The following CEP63 variants were observed in gnomAD, a reference collection of about 807,000 sequenced individuals.
CEP63 encodes the protein centrosomal protein 63, also known as centrosomal protein of 63 kDa.
Under a neutral mutation model 89.1 loss-of-function variants are expected in CEP63, and 84 were observed. The observed-to-expected ratio is 0.94, with a 90% CI of 0.79 to 1.13. CEP63 has a LOEUF of 1.13. Ranked by LOEUF, CEP63 falls within the 50% of genes most tolerant of loss-of-function variation. The probability of loss-of-function intolerance (pLI) is 0.00; values close to 1 mark genes in which losing one functional copy is unlikely to be tolerated. For synonymous variants in CEP63, 267 were observed against 272.5 expected (o/e 0.98, Z 0.20); for missense variants, 838 against 813.3 (o/e 1.03, Z -0.37).
chr3:134,618,982 G>C, the CEP63 span, among the ~76,000 whole-genome samples: 1 of 152,168 alleles, frequency 6.6e-6, no homozygotes, highest in African/African-American at 2.4e-5. Context: ...CAATTATGCT[G>C]GTGTTAAAAA....
chr3:134,718,104 G>A, the CEP63 span, among the ~76,000 whole-genome samples: 1 of 152,178 alleles, frequency 6.6e-6, no homozygotes, highest in African/African-American at 2.4e-5. Context: ...TTAAATCCAA[G>A]TCTGGTAAAT....
chr3:134,629,472 A>T, the CEP63 span: 1 of 618,210 alleles, frequency 1.6e-6, no homozygotes, highest in Non-Finnish European at 2.9e-6. Flanking sequence ...CCCAGGATAA[A>T]GCTGTCATGC....
chr3:134,741,552 G>A, the CEP63 span, among the ~76,000 whole-genome samples: 1 of 152,146 alleles, frequency 6.6e-6, no homozygotes, highest in South Asian at 2.1e-4. Context: ...TCAGTGCCAT[G>A]TCCTTTCAAG....
At chr3:134,567,164 A>G (rs1351357298), downstream of CEP63, among the ~76,000 whole-genome samples, 1 of 151,814 alleles carries the variant, frequency 6.6e-6, no homozygotes, top group African/African-American at 2.4e-5. Context: ...AAAAAAAAAA[A>G]AATCACATAT....
chr3:134,593,057 G>T, the CEP63 span, among the ~76,000 whole-genome samples: 1 of 152,150 alleles, frequency 6.6e-6, no homozygotes, highest in Non-Finnish European at 1.5e-5. Context: ...TATAGGTAAG[G>T]CCTTAACATA....
chr3:134,732,935 CACA>C, the CEP63 span, among the ~76,000 whole-genome samples: 4 of 152,252 alleles, frequency 2.6e-5, no homozygotes, highest in East Asian at 7.7e-4. Context: ...ATATATTACT[CACA>C]ACAATAGAAG....
intron 9 of CEP63, among the ~76,000 whole-genome samples, chr3:134,548,139 C>T (rs1953963589): frequency 1.3e-5 from 2 of 152,182 alleles, no homozygotes; most frequent in South Asian, 4.1e-4. Context: ...CATCACCCAT[C>T]TGGGGGAAAA....
the CEP63 span, among the ~76,000 whole-genome samples, chr3:134,776,261 T>C: frequency 7.9e-5 from 12 of 152,180 alleles, no homozygotes; most frequent in African/African-American, 2.9e-4. Context: ...TCAATAGAAA[T>C]ATAATGCAAG....
chr3:134,621,421 C>T, the CEP63 span, among the ~76,000 whole-genome samples: 222 of 152,296 alleles, frequency 1.5e-3, 1 homozygote, highest in South Asian at 0.016. Context: ...CACATATCTA[C>T]GGTTAGTGGA....
At chr3:134,517,138 T>C (rs571797079) in intron 3 of CEP63, among the ~76,000 whole-genome samples, 1 of 152,158 alleles carries the variant, frequency 6.6e-6, no homozygotes, top group Non-Finnish European at 1.5e-5. Context: ...GCACGTCCTT[T>C]ATTAGCTTTC....
At chr3:134,533,817 C>A (rs958307310) in intron 5 of CEP63, among the ~76,000 whole-genome samples, 1 of 152,160 alleles carries the variant, frequency 6.6e-6, no homozygotes, top group Non-Finnish European at 1.5e-5. Flanking sequence ...TCTGGGTGAC[C>A]TGTCACCCAC....
chr3:134,573,059 T>C (rs1473631932), intron 11 of CEP63, among the ~76,000 whole-genome samples: 2 of 152,218 alleles, frequency 1.3e-5, no homozygotes. Flanking sequence ...GTATGTCTTC[T>C]TTTGAGAAGT....
chr3:134,772,269 C>A, the CEP63 span, among the ~76,000 whole-genome samples: 1 of 41,510 alleles, frequency 2.4e-5, no homozygotes, highest in Non-Finnish European at 5.1e-5. Context: ...ATGCCAGACA[C>A]CCCGTGCAGC....
the CEP63 span, among the ~76,000 whole-genome samples, chr3:134,605,989 C>A: frequency 3.3e-5 from 5 of 152,202 alleles, no homozygotes; most frequent in African/African-American, 1.2e-4. Flanking sequence ...CTGCCTTCAG[C>A]CACTGCATGC....
At chr3:134,761,483 G>T in the CEP63 span, among the ~76,000 whole-genome samples, 1 of 152,316 alleles carries the variant, frequency 6.6e-6, no homozygotes, top group East Asian at 1.9e-4. Flanking sequence ...CTGTGAGCAG[G>T]TGTCCCCTGG....
the CEP63 span, chr3:134,628,173 C>A: frequency 3.7e-6 from 1 of 273,674 alleles, no homozygotes; most frequent in Non-Finnish European, 7.1e-6. Flanking sequence ...GAATCCACTG[C>A]CAGATAATGC....
the CEP63 span, among the ~76,000 whole-genome samples, chr3:134,716,145 T>C: frequency 3.9e-5 from 6 of 152,356 alleles, no homozygotes; most frequent in African/African-American, 9.6e-5. Context: ...ATTTACTGAC[T>C]GATCAATTTG....
the CEP63 span, among the ~76,000 whole-genome samples, chr3:134,711,866 G>A: frequency 4.0e-5 from 6 of 151,386 alleles, no homozygotes; most frequent in African/African-American, 1.5e-4. Context: ...GGGTTCAAGT[G>A]ATTCTCCTGC....
the CEP63 span, among the ~76,000 whole-genome samples, chr3:134,730,685 ATG>A: frequency 1.3e-5 from 2 of 152,228 alleles, no homozygotes; most frequent in East Asian, 1.9e-4. Context: ...ACTTAAAAAA[ATG>A]AAAATAGTAA....
Sources: gnomAD v4.1 joint callset for allele counts (sites outside exome capture counted in the v4.1 genomes callset) on GRCh38, gnomAD v4.1.1 for gene constraint, MANE v1.5 for transcripts, NCBI Gene and HGNC (gene_info 2026-07-23, HGNC 2026-07-21) for gene names.